The following CNBD1 variants were observed in gnomAD, a reference collection of about 807,000 sequenced individuals.
The protein encoded by CNBD1 is cyclic nucleotide-binding domain-containing protein 1.
CNBD1 carries 71 observed loss-of-function variants against 54.4 expected under a neutral mutation model. The observed-to-expected ratio is 1.30, with a 90% CI of 1.08 to 1.59. The LOEUF (loss-of-function observed/expected upper bound fraction) is 1.59. Among genes scored for constraint, CNBD1 ranks in the 40% most tolerant of loss-of-function variants. CNBD1 has a pLI of 0.00. For missense variants in CNBD1, 659 were observed against 518.0 expected, an observed-to-expected ratio of 1.27 and a Z score of -2.64; for synonymous variants, 182 against 170.7, an observed-to-expected ratio of 1.07 and a Z score of -0.51.
intron 4 of CNBD1, among the ~76,000 whole-genome samples, chr8:87,037,218 T>A (rs1160311205): frequency 6.6e-6 from 1 of 152,208 alleles, no homozygotes. Context: ...AATTCACAAT[T>A]CTTTAAAAGT....
intron 4 of CNBD1, among the ~76,000 whole-genome samples, chr8:87,201,049 G>A (rs192694031): frequency 1.2e-4 from 18 of 151,958 alleles, no homozygotes; most frequent in African/African-American, 4.3e-4. Flanking sequence ...CATTCCATCA[G>A]GACCAAATGG....
chr8:87,237,159 C>G, intron 6 of CNBD1, 47 bp downstream of exon 6: 2 of 1,258,828 alleles, frequency 1.6e-6, no homozygotes, highest in Middle Eastern at 3.9e-4. Context: ...AGGTAACGGG[C>G]TTTTGTAAAA....
chr8:87,079,389 A>G (rs1196477035), intron 4 of CNBD1, among the ~76,000 whole-genome samples: 1 of 152,142 alleles, frequency 6.6e-6, no homozygotes, highest in Non-Finnish European at 1.5e-5. Context: ...TTAAGAAATA[A>G]TCAAATTGTT....
chr8:86,895,746 T>C (rs1406487950), intron 2 of CNBD1, among the ~76,000 whole-genome samples: 1 of 152,332 alleles, frequency 6.6e-6, no homozygotes, highest in East Asian at 1.9e-4. Flanking sequence ...TATGTCTTCT[T>C]GGATGAGGAT....
chr8:87,213,454 G>A (rs1452541175), intron 5 of CNBD1, among the ~76,000 whole-genome samples: 1 of 152,096 alleles, frequency 6.6e-6, no homozygotes, highest in Non-Finnish European at 1.5e-5. Context: ...AGAGTGAAGG[G>A]GAAGCAAGAC....
chr8:87,159,771 C>A (rs534034193), intron 4 of CNBD1, among the ~76,000 whole-genome samples: 3 of 152,236 alleles, frequency 2.0e-5, no homozygotes, highest in Admixed American at 1.3e-4. Flanking sequence ...CTTGGGTCTG[C>A]ATTTCTGCTT....
At chr8:87,353,566 G>C (rs985333030) in intron 9 of CNBD1, 70 bp from the exon 10 acceptor site, 1 of 1,023,840 alleles carries the variant, frequency 9.8e-7, no homozygotes, top group Non-Finnish European at 1.4e-6. Context: ...GTGAGTTTCT[G>C]ATAAAAACAA....
At chr8:87,087,649 G>A (rs1453034761) in intron 4 of CNBD1, among the ~76,000 whole-genome samples, 3 of 151,514 alleles carry the variant, frequency 2.0e-5, no homozygotes, top group African/African-American at 4.9e-5. Flanking sequence ...TGTATTTTTA[G>A]TAGAGACGGG....
At chr8:87,053,557 C>T (rs535190306) in intron 4 of CNBD1, among the ~76,000 whole-genome samples, 1 of 152,330 alleles carries the variant, frequency 6.6e-6, no homozygotes, top group East Asian at 1.9e-4. Flanking sequence ...CCCCTTCTCT[C>T]TTTGGTTGTC....
chr8:87,391,516 A>G (rs1811310221), intron 2 of CNBD1, among the ~76,000 whole-genome samples: 1 of 152,152 alleles, frequency 6.6e-6, no homozygotes, highest in Non-Finnish European at 1.5e-5. Flanking sequence ...ACAATGGAAT[A>G]TAATTGAATG....
At chr8:87,021,275 TA>T (rs1167896591) in intron 4 of CNBD1, among the ~76,000 whole-genome samples, 3 of 151,386 alleles carry the variant, frequency 2.0e-5, no homozygotes, top group African/African-American at 7.4e-5. Flanking sequence ...TAATGTTAAA[TA>T]TTTTTTTTTT....
intron 8 of CNBD1, among the ~76,000 whole-genome samples, chr8:87,292,639 C>G (rs1808808863): frequency 6.6e-6 from 1 of 152,148 alleles, no homozygotes; most frequent in Non-Finnish European, 1.5e-5. Context: ...ATGCCTCTTC[C>G]AAGCACTTCT....
At chr8:86,951,953 A>C (rs1032319687) in intron 4 of CNBD1, among the ~76,000 whole-genome samples, 1 of 152,200 alleles carries the variant, frequency 6.6e-6, no homozygotes, top group Non-Finnish European at 1.5e-5. Context: ...ATTGGTCCAC[A>C]AGGAAATTCC....
chr8:87,284,225 G>A (rs895552080), intron 6 of CNBD1, among the ~76,000 whole-genome samples: 5 of 151,798 alleles, frequency 3.3e-5, no homozygotes, highest in African/African-American at 7.3e-5. Flanking sequence ...AATATTTATT[G>A]TTTACATATT....
rs139149927 is a variant in CNBD1 at position 87,142,449 on chromosome 8, G to C, written c.432-63544G>C. ...AGTTACGAGATTTAAGGTGGATATAGAATTACATGAAGACAGGCTTGTTTT... is the reference window on the plus strand; with the variant it reads ...AGTTACGAGATTTAAGGTGGATATACAATTACATGAAGACAGGCTTGTTTT... On this transcript the variant is annotated intron_variant, in intron 4 of 10. Coordinates refer to ENST00000518476, the MANE Select transcript of CNBD1 (RefSeq NM_173538.3). Among the ~76,000 whole-genome samples the C allele has an allele frequency of 2.0e-5, 3 of 152,210 alleles. No individual in the cohort carries two copies. In the East Asian group the frequency reaches 5.8e-4, roughly 29 times the overall value.
chr8:87,317,920 T>A (rs1330932400), intron 8 of CNBD1, among the ~76,000 whole-genome samples: 1 of 151,962 alleles, frequency 6.6e-6, no homozygotes, highest in Admixed American at 6.6e-5. Flanking sequence ...CTGTGTCTTA[T>A]TTTAGGTGAA....
intron 4 of CNBD1, among the ~76,000 whole-genome samples, chr8:87,168,612 C>G (rs1813018147): frequency 6.6e-6 from 1 of 151,846 alleles, no homozygotes; most frequent in Non-Finnish European, 1.5e-5. Flanking sequence ...TGGTAACCAT[C>G]CTTCTATTCT....
chr8:87,053,214 A>T (rs1345679255), intron 4 of CNBD1, among the ~76,000 whole-genome samples: 1 of 152,210 alleles, frequency 6.6e-6, no homozygotes, highest in Non-Finnish European at 1.5e-5. Flanking sequence ...GCCAGTACAT[A>T]GGGAACTTTG....
chr8:86,981,328 T>G (rs1158524304), intron 4 of CNBD1, among the ~76,000 whole-genome samples: 1 of 152,216 alleles, frequency 6.6e-6, no homozygotes, highest in Non-Finnish European at 1.5e-5. Context: ...TTTGCTATAT[T>G]TTCCCCAAAT....
Sources: gnomAD v4.1 joint callset for allele counts (sites outside exome capture counted in the v4.1 genomes callset) on GRCh38, gnomAD v4.1.1 for gene constraint, MANE v1.5 for transcripts, NCBI Gene and HGNC (gene_info 2026-07-23, HGNC 2026-07-21) for gene names.